Variants in PRKACB observed in about 807,000 individuals in gnomAD.
PRKACB encodes the protein cAMP-dependent protein kinase catalytic subunit beta.
Under a neutral mutation model 51.4 loss-of-function variants are expected in PRKACB, and 16 were observed. The observed-to-expected ratio is 0.31, with a 90% CI of 0.21 to 0.47. The LOEUF (loss-of-function observed/expected upper bound fraction) is 0.47. Among genes scored for constraint, PRKACB ranks in the 20% least tolerant of loss-of-function variants. The pLI, the probability that PRKACB is intolerant of heterozygous loss-of-function variation, is 1.00. For missense variants in PRKACB, 309 were observed against 464.5 expected, an observed-to-expected ratio of 0.67 and a Z score of 3.08; for synonymous variants, 147 against 154.4, an observed-to-expected ratio of 0.95 and a Z score of 0.35.
upstream of PRKACB, among the ~76,000 whole-genome samples, chr1:84,143,984 C>T (rs1268663708): frequency 6.6e-6 from 1 of 152,030 alleles, no homozygotes; most frequent in Non-Finnish European, 1.5e-5. Context: ...GCTTGGCCTT[C>T]AGTTGTTTGC....
chr1:84,086,304 C>G, intron 1 of PRKACB: 1 of 987,594 alleles, frequency 1.0e-6, no homozygotes, highest in Non-Finnish European at 1.6e-6. Flanking sequence ...CCTGCTGCCT[C>G]CCTCCTGTCT....
At chr1:84,215,208 T>TC (rs1387413582) in intron 9 of PRKACB, among the ~76,000 whole-genome samples, 1 of 78,370 alleles carries the variant, frequency 1.3e-5, no homozygotes, top group Non-Finnish European at 3.7e-5. Context: ...AAGTTACTAC[T>TC]TTTTTCCTTT....
At chr1:84,194,913 G>A (rs1457812545) in intron 5 of PRKACB, among the ~76,000 whole-genome samples, 1 of 151,820 alleles carries the variant, frequency 6.6e-6, no homozygotes, top group Non-Finnish European at 1.5e-5. Flanking sequence ...CCTGGTGACA[G>A]AGTAAGAAAA....
chr1:84,118,599 A>G (rs1650816606), intron 1 of PRKACB, among the ~76,000 whole-genome samples: 2 of 152,130 alleles, frequency 1.3e-5, no homozygotes, highest in South Asian at 2.1e-4. Flanking sequence ...TACCTAATAT[A>G]AAGCTTAAAG....
At chr1:84,200,680 C>G (rs1383122917) in intron 7 of PRKACB, among the ~76,000 whole-genome samples, 2 of 152,110 alleles carry the variant, frequency 1.3e-5, no homozygotes, top group East Asian at 3.8e-4. Context: ...AGGAAGGGAT[C>G]TATCTTCAGT....
chr1:84,188,091 A>G (rs1665700324), intron 5 of PRKACB, among the ~76,000 whole-genome samples: 1 of 152,076 alleles, frequency 6.6e-6, no homozygotes, highest in African/African-American at 2.4e-5. Context: ...AATTAAGGAG[A>G]AAAAAAGCAA....
chr1:84,122,972 A>G (rs187730726), intron 1 of PRKACB, among the ~76,000 whole-genome samples: 1 of 152,306 alleles, frequency 6.6e-6, no homozygotes, highest in African/African-American at 2.4e-5. Context: ...TGAAGCCTAA[A>G]TGGCCCCATT....
At chr1:84,207,647 C>T (rs1361653478) in intron 8 of PRKACB, among the ~76,000 whole-genome samples, 1 of 152,108 alleles carries the variant, frequency 6.6e-6, no homozygotes, top group African/African-American at 2.4e-5. Flanking sequence ...TGCTTCTTGG[C>T]TGTATATAAA....
chr1:84,117,784 T>C (rs1452186249), intron 1 of PRKACB, among the ~76,000 whole-genome samples: 1 of 152,242 alleles, frequency 6.6e-6, no homozygotes, highest in African/African-American at 2.4e-5. Context: ...AGCCTCTATT[T>C]CATTTAATTC....
At chr1:84,083,576 C>A (rs1486773491) in intron 1 of PRKACB, among the ~76,000 whole-genome samples, 1 of 152,158 alleles carries the variant, frequency 6.6e-6, no homozygotes, top group Admixed American at 6.5e-5. Context: ...CTATTAAGAT[C>A]CTGTCAGATA....
intron 1 of PRKACB, among the ~76,000 whole-genome samples, chr1:84,120,778 A>G (rs981434460): frequency 6.6e-6 from 1 of 151,980 alleles, no homozygotes; most frequent in African/African-American, 2.4e-5. Flanking sequence ...GTGGTACATG[A>G]TATAATGGTG....
chr1:84,184,924 G>A (rs1032971185), intron 4 of PRKACB, among the ~76,000 whole-genome samples, 176 bp from the exon 5 acceptor site: 1 of 151,872 alleles, frequency 6.6e-6, no homozygotes, highest in Non-Finnish European at 1.5e-5. Flanking sequence ...AACTAGGAGG[G>A]GAAAAATATG....
chr1:84,108,369 A>C (rs1461917163), intron 1 of PRKACB, among the ~76,000 whole-genome samples: 4 of 151,890 alleles, frequency 2.6e-5, no homozygotes, highest in Admixed American at 2.6e-4. Context: ...AAAAAGAAGA[A>C]AAGAAAAAGA....
chr1:84,145,671 A>G (rs778269814), intron 1 of PRKACB, among the ~76,000 whole-genome samples: 1 of 152,078 alleles, frequency 6.6e-6, no homozygotes, highest in Non-Finnish European at 1.5e-5. Flanking sequence ...TGGGTTATTT[A>G]TAGTCTTTAC....
intron 1 of PRKACB, among the ~76,000 whole-genome samples, chr1:84,148,772 T>G (rs1430608930): frequency 6.6e-6 from 1 of 152,172 alleles, no homozygotes; most frequent in African/African-American, 2.4e-5. Context: ...ACTAAAATAG[T>G]TGGGATATTA....
intron 1 of PRKACB, chr1:84,164,358 A>G: frequency 6.4e-7 from 1 of 1,556,600 alleles, no homozygotes. Context: ...AGCTGGTGTA[A>G]TTGAAAGACG....
chr1:84,153,194 G>A (rs1445026769), intron 1 of PRKACB, among the ~76,000 whole-genome samples: 1 of 152,108 alleles, frequency 6.6e-6, no homozygotes, highest in African/African-American at 2.4e-5. Flanking sequence ...GGTGCAGTTT[G>A]TGGTGCCCTA....
At chr1:84,187,229 G>A (rs1257738376) in intron 5 of PRKACB, among the ~76,000 whole-genome samples, 5 of 152,050 alleles carry the variant, frequency 3.3e-5, no homozygotes, top group East Asian at 3.9e-4. Context: ...GGATATTGTC[G>A]ATGTTGTGAC....
At chr1:84,173,864 G>A (rs1158102263) in intron 1 of PRKACB, among the ~76,000 whole-genome samples, 1 of 151,644 alleles carries the variant, frequency 6.6e-6, no homozygotes, top group Admixed American at 6.6e-5. Flanking sequence ...ATTGCTTGTG[G>A]TTCCTAATAT....
Sources: allele counts gnomAD v4.1 joint callset (sites outside exome capture counted in the v4.1 genomes callset), GRCh38; gene constraint gnomAD v4.1.1; transcripts MANE v1.5; gene names NCBI Gene and HGNC (gene_info 2026-07-23, HGNC 2026-07-21).